MSH4: variants seen among roughly 807,000 people sequenced by gnomAD.
MSH4 encodes the protein mutS homolog 4.
A neutral mutation model predicts 113.7 loss-of-function variants in MSH4; 106 were observed. The observed-to-expected ratio is 0.93, with a 90% CI of 0.80 to 1.10. The LOEUF is 1.10. MSH4 is among the 50% of genes least tolerant of loss of function. The pLI is 0.00. For synonymous variants in MSH4, 368 were observed against 380.2 expected (o/e 0.97, Z 0.37); for missense variants, 1,061 against 1,093.7 (o/e 0.97, Z 0.42).
chr1:75,851,304 A>T, intron 8 of MSH4, among the ~76,000 whole-genome samples: 2 of 144,852 alleles, frequency 1.4e-5, no homozygotes, highest in African/African-American at 2.6e-5. Context: ...ATTCCATCTC[A>T]TTTCCTTTGT....
chr1:75,880,466 G>T (rs905813865), intron 13 of MSH4, among the ~76,000 whole-genome samples: 1 of 152,058 alleles, frequency 6.6e-6, no homozygotes, highest in Non-Finnish European at 1.5e-5. Flanking sequence ...TAAGTCCTCA[G>T]CTTCTTATAC....
chr1:75,874,781 A>G (rs1488770274), intron 9 of MSH4, among the ~76,000 whole-genome samples: 1 of 152,218 alleles, frequency 6.6e-6, no homozygotes, highest in African/African-American at 2.4e-5. Context: ...GTGACTTTGT[A>G]GGATTCCATA....
At position 75,797,013 on chromosome 1, in the gene MSH4, T is replaced by G. The variant is rs777678581; in HGVS notation, c.28T>G (p.Ser10Ala). 1 of 1,614,074 alleles carries G rather than the reference T, an allele frequency of 6.2e-7. No individual in the cohort carries two copies. Among genetic ancestry groups the G allele is most frequent in the East Asian group, 2.2e-5 (1 of 44,876 alleles). The change falls in exon 1 of 20, where the codon TCG becomes GCG. Residue 10 changes from serine (S) to alanine (A), a missense_variant. Transcript: ENST00000263187. MLRPEISST[S>A]PSAPAVSPSS... Reference sequence around the variant, plus strand: ...GCTGAGGCCTGAGATCTCATCAACCTCGCCTTCTGCCCCGGCGGTTTCCCC... The same window carrying G: ...GCTGAGGCCTGAGATCTCATCAACCGCGCCTTCTGCCCCGGCGGTTTCCCC...
rs369156759 is a variant in MSH4, at chr1:75,810,740, T to A, written c.632T>A (p.Met211Lys). Reference sequence around the variant, plus strand: ...ATTTTATCACCTTTGGAAATAATAATGTCAAATACTGCTTGTGCTGTGGGG... The same window carrying A: ...ATTTTATCACCTTTGGAAATAATAAAGTCAAATACTGCTTGTGCTGTGGGG... ...LKILSPLEII[M>K]SNTACAVGNS... The change falls in exon 4 of 20, where the codon ATG becomes AAG. Residue 211 changes from methionine to lysine, a missense_variant. Transcript: ENST00000263187. 3 of 1,582,562 alleles carry A rather than the reference T, an allele frequency of 1.9e-6. 1 individual carries two copies. In the South Asian group the frequency reaches 3.6e-5, roughly 19 times the overall value.
chr1:75,832,547 G>A (rs953910327), intron 7 of MSH4, among the ~76,000 whole-genome samples: 1 of 152,088 alleles, frequency 6.6e-6, no homozygotes, highest in African/African-American at 2.4e-5. Flanking sequence ...TAAAGTACTG[G>A]CAAACCGAAT....
chr1:75,820,849 A>T (rs1474012845), intron 6 of MSH4, among the ~76,000 whole-genome samples: 2 of 152,066 alleles, frequency 1.3e-5, no homozygotes, highest in East Asian at 3.9e-4. Flanking sequence ...CAACAAGAAG[A>T]GCTAACTATC....
chr1:75,885,341 G>GT (rs1491097493), intron 15 of MSH4, among the ~76,000 whole-genome samples: 1 of 102,578 alleles, frequency 9.7e-6, no homozygotes, highest in South Asian at 3.2e-4. Flanking sequence ...GTGTGTGTGT[G>GT]TATATATATA....
In MSH4 at chr1:75,889,273, T is replaced by G; in HGVS notation, c.2130T>G (p.Tyr710Ter). The change falls in exon 16 of 20, where the codon TAT becomes TAG. Residue 710 changes from tyrosine to a stop codon, truncating the protein, a stop_gained. Coordinates refer to ENST00000263187, the MANE Select transcript of MSH4 (RefSeq NM_002440.4). LOFTEE classifies it high-confidence loss of function. Reference protein sequence around the residue: ...AQIGSYVPAEYSSFRIAKQIF... With the variant: ...AQIGSYVPAE ...CAGGATCATATGTTCCAGCAGAATA[T>G]TCTTCCTTTAGAATTGCTAAACAGA... The G allele has an allele frequency of 6.7e-7, 1 of 1,499,884 alleles. No individual in the cohort carries two copies. Among genetic ancestry groups the G allele is most frequent in the Non-Finnish European group, 9.2e-7 (1 of 1,088,574 alleles). The allele number at this position is 1,499,884 out of a possible 1,614,324, so 92.9% of individuals were successfully genotyped here.
At chr1:75,861,904 C>G (rs1441602285) in intron 8 of MSH4, among the ~76,000 whole-genome samples, 1 of 152,156 alleles carries the variant, frequency 6.6e-6, no homozygotes, top group Non-Finnish European at 1.5e-5. Flanking sequence ...GTAGGCCTTG[C>G]TGAGCTGCAG....
chr1:75,832,138 G>T (rs187847451), intron 7 of MSH4, among the ~76,000 whole-genome samples: 6 of 152,224 alleles, frequency 3.9e-5, no homozygotes, highest in African/African-American at 9.6e-5. Context: ...CAAACTACCA[G>T]CAGAGAATAC....
rs762529429 is a variant in MSH4 at position 75,797,039 on chromosome 1, G to A, written c.54G>A (p.Pro18=). 2 of 1,614,042 alleles carry A rather than the reference G, an allele frequency of 1.2e-6. No individual in the cohort carries two copies. Among genetic ancestry groups the A allele is most frequent in the Admixed American group, 1.7e-5 (1 of 60,022 alleles). The change falls in exon 1 of 20, where the codon CCG becomes CCA. Residue 18 remains proline (P), a synonymous_variant. Transcript: ENST00000263187. ...CGCCTTCTGCCCCGGCGGTTTCCCC[G>A]TCGTCGGGAGAAACCCGCTCACCTC... ...STSPSAPAVS[P]SSGETRSPQG...
At chr1:75,819,668 A>T (rs1380988517) in intron 6 of MSH4, among the ~76,000 whole-genome samples, 2 of 152,174 alleles carry the variant, frequency 1.3e-5, no homozygotes, top group African/African-American at 4.8e-5. Context: ...GTATTATATG[A>T]AGTTGTCTAA....
intron 2 of MSH4, among the ~76,000 whole-genome samples, chr1:75,805,480 T>G (rs555565714): frequency 6.6e-6 from 1 of 151,142 alleles, no homozygotes; most frequent in South Asian, 2.1e-4. Context: ...ATCCACTTCC[T>G]GGGTTCAAGT....
intron 8 of MSH4, among the ~76,000 whole-genome samples, chr1:75,856,855 A>T (rs1404184700): frequency 6.6e-6 from 1 of 152,202 alleles, no homozygotes; most frequent in African/African-American, 2.4e-5. Flanking sequence ...TCCTTGAGGA[A>T]TCATCACACT....
intron 1 of MSH4, among the ~76,000 whole-genome samples, chr1:75,801,713 A>G (rs1649940417): frequency 6.6e-6 from 1 of 151,412 alleles, no homozygotes. Context: ...GTCTCTATAA[A>G]AAAAAAATTA....
intron 7 of MSH4, among the ~76,000 whole-genome samples, chr1:75,847,942 A>G (rs1651108919): frequency 6.6e-6 from 1 of 152,180 alleles, no homozygotes; most frequent in South Asian, 2.1e-4. Context: ...AGGTTTCAAC[A>G]TGAGTTTTGG....
At chr1:75,829,239 G>T (rs1347321007) in intron 7 of MSH4, among the ~76,000 whole-genome samples, 1 of 152,168 alleles carries the variant, frequency 6.6e-6, no homozygotes, top group Non-Finnish European at 1.5e-5. Context: ...GCTGGGGGAT[G>T]GGCATCTGGC....
chr1:75,858,712 T>A (rs1651380624), intron 8 of MSH4, among the ~76,000 whole-genome samples: 1 of 152,216 alleles, frequency 6.6e-6, no homozygotes, highest in East Asian at 1.9e-4. Context: ...ATCAGGGATG[T>A]TAGCCTAAAA....
At chr1:75,830,878 C>G (rs762450016) in intron 7 of MSH4, among the ~76,000 whole-genome samples, 17 of 152,112 alleles carry the variant, frequency 1.1e-4, no homozygotes, top group Non-Finnish European at 2.1e-4. Flanking sequence ...GAAACTTCAC[C>G]AACTGACGAG....
Sources: allele counts gnomAD v4.1 joint callset (sites outside exome capture counted in the v4.1 genomes callset), GRCh38; gene constraint gnomAD v4.1.1; transcripts MANE v1.5; gene names NCBI Gene and HGNC (gene_info 2026-07-23, HGNC 2026-07-21).